Variants in ZRANB2 observed in about 807,000 individuals in gnomAD.
The protein encoded by ZRANB2 is zinc finger Ran-binding domain-containing protein 2.
In ZRANB2, 19 loss-of-function variants were observed where a neutral mutation model predicts 53.4. That is an observed-to-expected ratio of 0.36 (90% CI 0.25 to 0.52). The LOEUF (loss-of-function observed/expected upper bound fraction) is 0.52, where lower values mean the gene tolerates loss of function less well. Among genes scored for constraint, ZRANB2 ranks in the 20% least tolerant of loss-of-function variants. The pLI, the probability that ZRANB2 is intolerant of heterozygous loss-of-function variation, is 0.93. For synonymous variants in ZRANB2, 145 were observed against 134.8 expected (o/e 1.08, Z -0.52); for missense variants, 309 against 401.1 (o/e 0.77, Z 1.96).
intron 4 of ZRANB2, 37 bp from the exon 5 acceptor site, chr1:71,072,585 A>G (rs1484463837): frequency 1.3e-6 from 2 of 1,485,318 alleles, no homozygotes; most frequent in African/African-American, 1.4e-5. Flanking sequence ...CCCTATGACA[A>G]TTGATTTAAA....
rs1384407103 is a variant in ZRANB2, at chr1:71,066,879, T to G, written c.826A>C (p.Ser276Arg). 3.7e-6 allele frequency: 6 copies of G among 1,607,654 alleles called. No homozygotes were observed. The highest frequency in any genetic ancestry group is 5.1e-6 in the Non-Finnish European group (6 of 1,177,438). The change falls in exon 9 of 10, where the codon AGT (serine) becomes CGT (arginine). Residue 276 changes from serine (S) to arginine (R), a missense_variant. Around this residue, in one of 3 missense-constraint regions of ZRANB2, gnomAD observed 211 missense variants for 196.1 expected, o/e 1.08. Coordinates refer to ENST00000370920, the MANE Select transcript of ZRANB2 (RefSeq NM_203350.3). ...SSSPRKRSYS[S>R]SSSSPERNRK... ...TTCCTCTCAGGAGAAGATGATGAAC[T>G]TGAATAAGATCTTTTTCGTGGGGAA...
In ZRANB2 at chr1:71,065,042, C is replaced by T. The variant is rs1410252295; in HGVS notation, c.*32G>A. On this transcript the variant is annotated 3_prime_UTR_variant, in exon 10 of 10. Coordinates refer to ENST00000370920, the MANE Select transcript of ZRANB2 (RefSeq NM_203350.3). ...TTAAAAATATGCTTCATGCACTGTACTGGATTTTTTTAAGATGTAAATTTT... is the reference window on the plus strand; with the variant it reads ...TTAAAAATATGCTTCATGCACTGTATTGGATTTTTTTAAGATGTAAATTTT... 1.3e-6 allele frequency: 2 copies of T among 1,530,292 alleles called. No individual in the cohort carries two copies. The highest frequency in any genetic ancestry group is 1.8e-6 in the Non-Finnish European group (2 of 1,111,748). 94.8% of individuals were successfully genotyped at this position (1,530,292 alleles called of 1,614,324 possible).
intron 1 of ZRANB2, 106 bp downstream of exon 1, chr1:71,080,834 C>A (rs902031718): frequency 1.5e-6 from 2 of 1,354,552 alleles, no homozygotes; most frequent in Non-Finnish European, 2.1e-6. Context: ...GCCGCCTCAA[C>A]CCGTCTTAAG....
At chr1:71,069,896 T>C (rs903248769) in intron 7 of ZRANB2, among the ~76,000 whole-genome samples, 2 of 152,118 alleles carry the variant, frequency 1.3e-5, no homozygotes, top group African/African-American at 2.4e-5. Flanking sequence ...TTGGAAAATA[T>C]GACACAAGGG....
rs780261478 is a variant in ZRANB2 at position 71,078,635 on chromosome 1, GA to G, written c.109+20del. ...AAATGATACATATACAGTATAAATA[GA>G]ATCTTCTTTAAATACTTACCCCGAC... On this transcript the variant is annotated intron_variant, in intron 2 of 9. Transcript: ENST00000370920. 5.0e-6 allele frequency: 8 copies of G among 1,610,760 alleles called. No homozygotes were observed. In the South Asian group the frequency reaches 8.8e-5, roughly 18 times the overall value.
intron 3 of ZRANB2, among the ~76,000 whole-genome samples, chr1:71,078,007 A>G (rs1405139526): frequency 2.0e-5 from 3 of 152,254 alleles, no homozygotes; most frequent in Non-Finnish European, 4.4e-5. Context: ...GAAAATAAAA[A>G]TCATTAAGAA....
At chr1:71,080,651 G>C (rs1357356017) in intron 1 of ZRANB2, among the ~76,000 whole-genome samples, 2 of 146,942 alleles carry the variant, frequency 1.4e-5, no homozygotes, top group East Asian at 4.3e-4. Flanking sequence ...GGCCGGGGCG[G>C]GGGAGGGGGG....
At chr1:71,068,843 C>T (rs1459670431) in intron 8 of ZRANB2, among the ~76,000 whole-genome samples, 3 of 150,272 alleles carry the variant, frequency 2.0e-5, no homozygotes, top group African/African-American at 7.4e-5. Flanking sequence ...GGCTGGATTA[C>T]AGTGCTGTGA....
intron 1 of ZRANB2, among the ~76,000 whole-genome samples, chr1:71,079,032 T>G (rs931932361): frequency 6.6e-6 from 1 of 152,170 alleles, no homozygotes. Context: ...GAGAGTTAAC[T>G]CCACTTCACT....
At chr1:71,071,707 C>T (rs1661596797) in intron 6 of ZRANB2, among the ~76,000 whole-genome samples, 1 of 152,082 alleles carries the variant, frequency 6.6e-6, no homozygotes, top group Admixed American at 6.6e-5. Flanking sequence ...CTGTTCTCTG[C>T]CTAAATGTGC....
At chr1:71,071,191 C>A (rs1661587238) in intron 6 of ZRANB2, among the ~76,000 whole-genome samples, 195 bp from the exon 7 acceptor site, 2 of 152,092 alleles carry the variant, frequency 1.3e-5, no homozygotes, top group Non-Finnish European at 2.9e-5. Flanking sequence ...AGGTATTGCA[C>A]AGACATAAAC....
intron 4 of ZRANB2, among the ~76,000 whole-genome samples, chr1:71,073,025 TAC>T (rs1210863106): frequency 1.3e-5 from 2 of 152,076 alleles, no homozygotes; most frequent in African/African-American, 4.8e-5. Flanking sequence ...AATTCCTAAT[TAC>T]ACAGACAAAC....
rs540063872 is a variant in ZRANB2, at chr1:71,071,919, T to G, written c.513+202A>C. 7.9e-5 allele frequency among the ~76,000 whole-genome samples: 12 copies of G among 152,326 alleles called. No individual in the cohort carries two copies. The South Asian group carries it at 2.1e-3, about 26-fold the overall frequency. ...GAACTGTGTAAGAGAAAACTGGTTCTGTTTCGGTCACCACTGTATCTCCAG... is the reference window on the plus strand; with the variant it reads ...GAACTGTGTAAGAGAAAACTGGTTCGGTTTCGGTCACCACTGTATCTCCAG... On this transcript the variant is annotated intron_variant, in intron 6 of 9. Coordinates refer to ENST00000370920, the MANE Select transcript of ZRANB2 (RefSeq NM_203350.3).
intron 6 of ZRANB2, 130 bp downstream of exon 6, chr1:71,071,991 C>A: frequency 5.0e-6 from 7 of 1,386,678 alleles, no homozygotes; most frequent in Non-Finnish European, 5.8e-6. Flanking sequence ...AGTGGAAATC[C>A]AAAACCTTTG....
At chr1:71,077,989 C>T (rs887720241) in intron 3 of ZRANB2, among the ~76,000 whole-genome samples, 4 of 152,184 alleles carry the variant, frequency 2.6e-5, no homozygotes, top group African/African-American at 4.8e-5. Context: ...AGAATTAAAT[C>T]TAAGCCTGAA....
chr1:71,068,085 G>A (rs1011723640), intron 8 of ZRANB2, among the ~76,000 whole-genome samples: 3 of 152,010 alleles, frequency 2.0e-5, no homozygotes, highest in South Asian at 4.1e-4. Context: ...GGCTGGTCTT[G>A]AACTCCTGGG....
rs1392412332 is a variant in ZRANB2 at position 71,071,142 on chromosome 1, C to G, written c.514-146G>C. 4 of 650,046 alleles carry G rather than the reference C, an allele frequency of 6.2e-6. No homozygotes were observed. In the Admixed American group the frequency reaches 1.1e-4, roughly 19 times the overall value. The allele number at this position is 650,046 out of a possible 1,614,324, so 40.3% of individuals were successfully genotyped here. A position where few individuals can be genotyped will look rare whatever the true frequency, so the allele number is the denominator to read the frequency against. ...AATTCTGAATTCTAAAATTCACCTACTAAACTCATCTCAAATAGAGACTTG... is the reference window on the plus strand; with the variant it reads ...AATTCTGAATTCTAAAATTCACCTAGTAAACTCATCTCAAATAGAGACTTG... On this transcript the variant is annotated intron_variant, in intron 6 of 9. Coordinates refer to ENST00000370920, the MANE Select transcript of ZRANB2 (RefSeq NM_203350.3).
At position 71,070,269 on chromosome 1, in the gene ZRANB2, A is replaced by G. The variant is rs149046378; in HGVS notation, c.683+558T>C. Among the ~76,000 whole-genome samples the G allele has an allele frequency of 8.0e-3, 37 of 4,640 alleles. 1 individual carries two copies. The South Asian group carries it at 0.5, about 63-fold the overall frequency. 3.0% of individuals were successfully genotyped at this position (4,640 alleles called of 152,430 possible). ...TATAAAATCAGAGATTACATATTTTACATCAACAAACAATATTCAAGTACA... is the reference window on the plus strand; with the variant it reads ...TATAAAATCAGAGATTACATATTTTGCATCAACAAACAATATTCAAGTACA... On this transcript the variant is annotated intron_variant, in intron 7 of 9. Coordinates refer to ENST00000370920, the MANE Select transcript of ZRANB2 (RefSeq NM_203350.3).
rs1212041405 is a variant in ZRANB2 at position 71,065,140 on chromosome 1, G to GT, written c.930-4dup. 1 of 1,609,680 alleles carries GT rather than the reference G, an allele frequency of 6.2e-7. No homozygotes were observed. Among genetic ancestry groups the GT allele is most frequent in the Non-Finnish European group, 8.5e-7 (1 of 1,177,022 alleles). On this transcript the variant is annotated splice_region_variant and splice_polypyrimidine_tract_variant and intron_variant, in intron 9 of 9. Transcript: ENST00000370920. ...ATCCAGATGATGACCTGTGGCGTCT[G>GT]TAAGACATAATGGAGAGAGTAGGCA...
Sources: allele counts gnomAD v4.1 joint callset (sites outside exome capture counted in the v4.1 genomes callset), GRCh38; gene constraint gnomAD v4.1.1; regional missense constraint gnomAD v4.1.1; transcripts MANE v1.5; gene names NCBI Gene and HGNC (gene_info 2026-07-23, HGNC 2026-07-21).